The following GALR1 variants were observed in gnomAD, a reference collection of about 807,000 sequenced individuals.
GALR1 encodes galanin receptor type 1.
Under a neutral mutation model 17.9 loss-of-function variants are expected in GALR1, and 11 were observed. The ratio of observed to expected loss-of-function variants is 0.62; its 90% confidence interval spans 0.39 to 1.02. The LOEUF is 1.02. GALR1 is among the 50% of genes least tolerant of loss of function. The pLI is 0.01. For synonymous variants in GALR1, 206 were observed against 205.7 expected (o/e 1.00, Z -0.01); for missense variants, 441 against 456.9 (o/e 0.97, Z 0.32).
chr18:77,252,980 TCACCACCATCACCACCACCACCAC>T (rs1912494935), intron 1 of GALR1, among the ~76,000 whole-genome samples: 8 of 23,008 alleles, frequency 3.5e-4, no homozygotes, highest in African/African-American at 5.2e-4. Flanking sequence ...ATCACCACCA[TCACCACCATCACCACCACCACCAC>T]CACCACCACC....
At chr18:77,260,631 T>A (rs1024504630) in intron 2 of GALR1, among the ~76,000 whole-genome samples, 4 of 152,206 alleles carry the variant, frequency 2.6e-5, no homozygotes, top group Non-Finnish European at 1.5e-5. Context: ...ATAATTATTA[T>A]GGGGTGGGGA....
intron 2 of GALR1, among the ~76,000 whole-genome samples, chr18:77,258,536 G>A (rs1450094616): frequency 2.0e-5 from 3 of 147,552 alleles, no homozygotes; most frequent in African/African-American, 5.1e-5. Flanking sequence ...TGATGGTGGC[G>A]ATTGTGGTGG....
chr18:77,256,686 G>C (rs1912599329), intron 2 of GALR1, among the ~76,000 whole-genome samples: 1 of 152,180 alleles, frequency 6.6e-6, no homozygotes, highest in Admixed American at 6.5e-5. Flanking sequence ...AGAGTGCTGG[G>C]CCATTCTTGC....
chr18:77,251,714 T>C (rs1280343302), intron 1 of GALR1, among the ~76,000 whole-genome samples: 2 of 151,842 alleles, frequency 1.3e-5, no homozygotes, highest in East Asian at 3.9e-4. Context: ...GGGTGACGGG[T>C]CCCCACAGCT....
chr18:77,268,556 C>T, intron 2 of GALR1, 29 bp from the exon 3 acceptor site: 1 of 1,556,154 alleles, frequency 6.4e-7, no homozygotes, highest in South Asian at 1.2e-5. Context: ...CCTCCTCCTC[C>T]TCCTCCTCCT....
Position 77,251,230 on chromosome 18 carries a change from G to C in GALR1, c.666+16G>C, listed in dbSNP as rs4416101. ...CTATGCCAAGGTGCACGCCGGTCGC[G>C]GGGCCGAGACGCGCGAGGGAGGGCG... On this transcript the variant is annotated intron_variant, in intron 1 of 2. Transcript: ENST00000299727. 33 of 1,582,900 alleles carry C rather than the reference G, an allele frequency of 2.1e-5. No individual in the cohort carries two copies. The South Asian group carries it at 3.4e-4, about 16-fold the overall frequency.
chr18:77,265,292 T>C (rs1302528613), intron 2 of GALR1, among the ~76,000 whole-genome samples: 1 of 152,150 alleles, frequency 6.6e-6, no homozygotes. Context: ...ATCTTAAAGC[T>C]CCAAAATGAT....
chr18:77,250,792 C>T lies in GALR1; in HGVS notation c.244C>T (p.Leu82=), dbSNP rs769313107. 1.2e-6 allele frequency: 2 copies of T among 1,613,888 alleles called. No individual in the cohort carries two copies. The highest frequency in any genetic ancestry group is 2.2e-5 in the East Asian group (1 of 44,890). ...LFILNLSIAD[L]AYLLFCIPFQ... is the part of the protein sequence containing the mutation. The stretch of plus-strand genomic sequence containing the variant: ...CATCCTCAACCTGAGCATCGCCGAC[C>T]TGGCCTACCTGCTCTTCTGCATCCC... Residue 82 remains leucine, a synonymous_variant, in exon 1 of 3, where the codon CTG becomes TTG. Transcript: ENST00000299727.
rs377274566 is a variant in GALR1 at position 77,259,145 on chromosome 18, G to A, written c.732+2922G>A. 3.3e-4 allele frequency among the ~76,000 whole-genome samples: 2 copies of A among 6,048 alleles called. 1 individual carries two copies. The highest frequency in any genetic ancestry group is 9.9e-3 in the Non-Finnish European group (2 of 202). 4.0% of individuals were successfully genotyped at this position (6,048 alleles called of 152,430 possible). A position where few individuals can be genotyped will look rare whatever the true frequency, so the allele number is the denominator to read the frequency against. On this transcript the variant is annotated intron_variant, in intron 2 of 2. Coordinates refer to ENST00000299727, the MANE Select transcript of GALR1 (RefSeq NM_001480.4). ...GGTGGTGGTGTTGGTGGTGGTCATG[G>A]TGGTCATGGTGGTGATGATGGTGGT...
In GALR1 at chr18:77,277,131, T is replaced by G. The variant is rs999595830; in HGVS notation, c.*8229T>G. 1.3e-5 allele frequency: 2 copies of G among 152,222 alleles called. No homozygotes were observed. Among genetic ancestry groups the G allele is most frequent in the Non-Finnish European group, 2.9e-5 (2 of 68,040 alleles). 9.4% of individuals were successfully genotyped at this position (152,222 alleles called of 1,614,324 possible). On this transcript the variant is annotated 3_prime_UTR_variant, in exon 3 of 3. Transcript: ENST00000299727. ...ATTATCTCTAAGAGATAAATAAACT[T>G]TCCCTGTACTTAAAGTTTTTAAATT... is the stretch of plus-strand genomic sequence containing the variant.
At position 77,250,174 on chromosome 18, in the gene GALR1, AG is replaced by A. The variant is rs1912361357; in HGVS notation, c.-373del. On this transcript the variant is annotated 5_prime_UTR_variant, in exon 1 of 3. Transcript: ENST00000299727. ...CCGCCGGCGAAGATCTGGAGCGGTA[AG>A]GCGGAGAGAAGGGTCTTTCCACCTG... Among the ~76,000 whole-genome samples the A allele has an allele frequency of 6.6e-6, 1 of 152,190 alleles. No homozygotes were observed. The highest frequency in any genetic ancestry group is 6.5e-5 in the Admixed American group (1 of 15,292).
chr18:77,256,704 A>G (rs2144954145), intron 2 of GALR1, among the ~76,000 whole-genome samples: 1 of 152,158 alleles, frequency 6.6e-6, no homozygotes, highest in East Asian at 1.9e-4. Context: ...TGCCTCTTTC[A>G]CCCACATGTG....
At position 77,272,717 on chromosome 18, in the gene GALR1, T is replaced by C. The variant is rs1053066662; in HGVS notation, c.*3815T>C. The C allele has an allele frequency of 1.3e-5, 2 of 152,226 alleles. No homozygotes were observed. The highest frequency in any genetic ancestry group is 4.8e-5 in the African/African-American group (2 of 41,456). 9.4% of individuals were successfully genotyped at this position (152,226 alleles called of 1,614,324 possible). A position where few individuals can be genotyped will look rare whatever the true frequency, so the allele number is the denominator to read the frequency against. ...CATGTAAGGCTATTTCTCAAGTAGA[T>C]GTTAATGACTTGTTTAATTATTGAC... On this transcript the variant is annotated 3_prime_UTR_variant, in exon 3 of 3. Transcript: ENST00000299727.
At position 77,252,251 on chromosome 18, in the gene GALR1, G is replaced by T. The variant is rs569506042; in HGVS notation, c.666+1037G>T. Among the ~76,000 whole-genome samples, 4 of 151,754 alleles carry T rather than the reference G, an allele frequency of 2.6e-5. No individual in the cohort carries two copies. In the South Asian group the frequency reaches 8.3e-4, roughly 31 times the overall value. On this transcript the variant is annotated intron_variant, in intron 1 of 2. Transcript: ENST00000299727. ...AACGGGAGCTTATTTTAATAATCAG[G>T]TGATGGCGATTCACCGGGTAAACCC...
rs539586255 is a variant in GALR1 at position 77,268,684 on chromosome 18, A to C, written c.832A>C (p.Thr278Pro). Residue 278 changes from threonine (T) to proline (P), a missense_variant, in exon 3 of 3, where the codon ACG (threonine) becomes CCG (proline). By Grantham distance (38) the Thr-to-Pro change is conservative. Coordinates refer to ENST00000299727, the MANE Select transcript of GALR1 (RefSeq NM_001480.4). The part of the protein sequence containing the change: ...LWAEFGVFPL[T>P]PASFLFRITA... ...GGCTGAGTTTGGAGTTTTCCCGCTGACGCCGGCTTCCTTCCTCTTCAGAAT... is the reference window on the plus strand; with the variant it reads ...GGCTGAGTTTGGAGTTTTCCCGCTGCCGCCGGCTTCCTTCCTCTTCAGAAT... 1 of 1,614,054 alleles carries C rather than the reference A, an allele frequency of 6.2e-7. No individual in the cohort carries two copies. Among genetic ancestry groups the C allele is most frequent in the Non-Finnish European group, 8.5e-7 (1 of 1,180,004 alleles).
At position 77,276,048 on chromosome 18, in the gene GALR1, T is replaced by G. The variant is rs1913150987; in HGVS notation, c.*7146T>G. The G allele has an allele frequency of 1.0e-5, 1 of 95,314 alleles. No homozygotes were observed. Among genetic ancestry groups the G allele is most frequent in the Non-Finnish European group, 2.9e-5 (1 of 34,240 alleles). The allele number at this position is 95,314 out of a possible 1,614,324, so 5.9% of individuals were successfully genotyped here. ...TCATTCCATTGAAGTGAAATTGGAT[T>G]ATAATTTAGAAATATTTATAAGCCA... On this transcript the variant is annotated 3_prime_UTR_variant, in exon 3 of 3. Coordinates refer to ENST00000299727, the MANE Select transcript of GALR1 (RefSeq NM_001480.4).
At chr18:77,252,935 CCACCACCACCACCATCACCACCAT>C (rs1912480891) in intron 1 of GALR1, among the ~76,000 whole-genome samples, 10 of 45,728 alleles carry the variant, frequency 2.2e-4, no homozygotes, top group Non-Finnish European at 2.2e-4. Flanking sequence ...ACCACCACCA[CCACCACCACCACCATCACCACCAT>C]CACCACCACC....
chr18:77,253,728 CT>C (rs536993735), intron 1 of GALR1: 67 of 152,312 alleles, frequency 4.4e-4, no homozygotes, highest in African/African-American at 1.2e-3. Context: ...AACCCCAGGC[CT>C]TTTGGATAGC....
At chr18:77,261,237 A>G (rs1161795025) in intron 2 of GALR1, among the ~76,000 whole-genome samples, 1 of 152,248 alleles carries the variant, frequency 6.6e-6, no homozygotes, top group East Asian at 1.9e-4. Context: ...AAGAATTTGT[A>G]TAAAGATTTA....
Sources: gnomAD v4.1 joint callset for allele counts (sites outside exome capture counted in the v4.1 genomes callset) on GRCh38, gnomAD v4.1.1 for gene constraint, MANE v1.5 for transcripts, NCBI Gene and HGNC (gene_info 2026-07-23, HGNC 2026-07-21) for gene names.